SSX1: variants seen among roughly 807,000 people sequenced by gnomAD.
SSX1 encodes protein SSX1.
Under a neutral mutation model 14.6 loss-of-function variants are expected in SSX1, and 58 were observed. That is an observed-to-expected ratio of 3.96 (90% confidence interval 3.21 to 4.93). The LOEUF is 4.93. Among genes scored for constraint, SSX1 ranks in the 30% most tolerant of loss-of-function variants. SSX1 has a pLI of 0.00. For missense variants in SSX1, 272 were observed against 143.1 expected (o/e 1.90, Z -4.60); for synonymous variants, 46 against 52.1 (o/e 0.88, Z 0.50).
intron 5 of SSX1, among the ~76,000 whole-genome samples, chrX:48,262,273 A>G (rs1266250558): frequency 4.6e-4 from 52 of 112,452 alleles, no homozygotes; most frequent in Non-Finnish European, 9.0e-4. Flanking sequence ...AAATGAGGCT[A>G]TCGGGGTACA....
Position 48,258,677 on chromosome X carries a change from G to A in SSX1, c.280+46G>A, listed in dbSNP as rs2146610233. Reference sequence around the variant, plus strand: ...TGGAAAGGTCTCCTGAAGCCCAATTGCTTTTCAGCTCAGCTACCTGGGAAA... The same window carrying A: ...TGGAAAGGTCTCCTGAAGCCCAATTACTTTTCAGCTCAGCTACCTGGGAAA... On this transcript the variant is annotated intron_variant, in intron 4 of 7. Coordinates refer to ENST00000376919, the MANE Select transcript of SSX1 (RefSeq NM_005635.4). 4.0e-6 allele frequency: 4 copies of A among 1,001,245 alleles called. No individual in the cohort carries two copies. In the South Asian group the frequency reaches 5.9e-5, roughly 15 times the overall value. 82.5% of individuals were successfully genotyped at this position (1,001,245 alleles called of 1,213,427 possible).
In SSX1 at chrX:48,260,110, C is replaced by T. The variant is rs1374065443; in HGVS notation, c.280+1479C>T. Among the ~76,000 whole-genome samples the T allele has an allele frequency of 1.1e-3, 105 of 97,058 alleles. 2 individuals are homozygous for T. The South Asian group carries it at 0.053, about 49-fold the overall frequency. The allele number at this position is 97,058 out of a possible 115,157, so 84.3% of individuals were successfully genotyped here. ...CTATTTCTCCACATCCTCTCCAGCA[C>T]CTGTTGTTTCCTGACTTTTTAATGA... On this transcript the variant is annotated intron_variant, in intron 4 of 7. Transcript: ENST00000376919.
intron 6 of SSX1, among the ~76,000 whole-genome samples, chrX:48,265,530 A>G (rs1226681348): frequency 7.3e-5 from 8 of 110,040 alleles, no homozygotes; most frequent in African/African-American, 2.0e-4. Context: ...ACATTGATCA[A>G]TTACGTTCGT....
chrX:48,258,551 T>A lies in SSX1; in HGVS notation c.200T>A (p.Leu67His), dbSNP rs2059592280. The change falls in exon 4 of 8, where the codon CTC becomes CAC. Residue 67 changes from leucine (L) to histidine (H), a missense_variant. Transcript: ENST00000376919. ...AMTKLGFKVT[L>H]PPFMCNKQAT... is the part of the protein sequence containing the mutation. ...TTCTTTCTAGGTTTCAAAGTCACCC[T>A]CCCACCTTTCATGTGTAATAAACAG... 8.3e-7 allele frequency: 1 copy of A among 1,205,246 alleles called. No homozygotes were observed. Among genetic ancestry groups the A allele is most frequent in the African/African-American group, 1.8e-5 (1 of 56,577 alleles).
Position 48,261,825 on chromosome X carries a change from T to C in SSX1, c.330+10T>C. The C allele has an allele frequency of 1.7e-6, 2 of 1,209,458 alleles. No homozygotes were observed. Among genetic ancestry groups the C allele is most frequent in the South Asian group, 3.5e-5 (2 of 56,809 alleles). On this transcript the variant is annotated intron_variant, in intron 5 of 7. Transcript: ENST00000376919. ...CAGAATCATCCCGAAGGTGAGTATC[T>C]CTCAAATCTAAAGGACCAGAGAACC...
chrX:48,261,813 A>G lies in SSX1; in HGVS notation c.328A>G (p.Lys110Glu). The change falls in exon 5 of 8, where the codon AAG becomes GAG. Residue 110 changes from lysine to glutamate, a missense_variant and splice_region_variant. Lys to Glu is a moderately conservative substitution (Grantham distance 56). Coordinates refer to ENST00000376919, the MANE Select transcript of SSX1 (RefSeq NM_005635.4). Reference sequence around the variant, plus strand: ...CGGCAGGCTCCACAGAATCATCCCGAAGGTGAGTATCTCTCAAATCTAAAG... The same window carrying G: ...CGGCAGGCTCCACAGAATCATCCCGGAGGTGAGTATCTCTCAAATCTAAAG... The part of the protein sequence containing the change: ...TFGRLHRIIP[K>E]IMPKKPAEDE... The G allele has an allele frequency of 8.3e-7, 1 of 1,210,574 alleles. No individual in the cohort carries two copies. The highest frequency in any genetic ancestry group is 1.1e-6 in the Non-Finnish European group (1 of 894,583).
intron 5 of SSX1, among the ~76,000 whole-genome samples, chrX:48,263,023 A>G (rs1427019843): frequency 9.1e-6 from 1 of 110,137 alleles, no homozygotes; most frequent in African/African-American, 3.3e-5. Flanking sequence ...AATCCTAGCT[A>G]CTCAGGAGGC....
At chrX:48,259,100 G>A (rs1251697102) in intron 4 of SSX1, among the ~76,000 whole-genome samples, 3 of 111,450 alleles carry the variant, frequency 2.7e-5, no homozygotes, top group East Asian at 2.8e-4. Flanking sequence ...GGGTTCAAAC[G>A]ATTCTCCTGC....
chrX:48,262,994 C>T (rs1556935758), intron 5 of SSX1, among the ~76,000 whole-genome samples: 1 of 110,342 alleles, frequency 9.1e-6, no homozygotes. Flanking sequence ...CTTAGCAGGG[C>T]GTGGTAGCGC....
rs190259304 is a variant in SSX1 at position 48,267,340 on chromosome X, G to A, written c.*491G>A. On this transcript the variant is annotated 3_prime_UTR_variant, in exon 8 of 8. Transcript: ENST00000376919. The stretch of plus-strand genomic sequence containing the variant: ...CCATCTGCTTTTCCCATTGCCATGC[G>A]TCCTGGTCAAGCCCCCCTCACTCTG... The A allele has an allele frequency of 2.4e-4, 45 of 190,034 alleles. No individual in the cohort carries two copies. Among genetic ancestry groups the A allele is most frequent in the African/African-American group, 1.2e-3 (37 of 31,279 alleles). The allele number at this position is 190,034 out of a possible 1,213,427, so 15.7% of individuals were successfully genotyped here.
At chrX:48,256,811 G>A (rs782162025) in intron 1 of SSX1, among the ~76,000 whole-genome samples, 8 of 109,809 alleles carry the variant, frequency 7.3e-5, no homozygotes, top group Non-Finnish European at 1.1e-4. Flanking sequence ...GAAAGACCAC[G>A]TTATGTCTGG....
intron 1 of SSX1, among the ~76,000 whole-genome samples, chrX:48,255,640 T>G (rs1213239631): frequency 2.8e-5 from 3 of 107,145 alleles, no homozygotes; most frequent in African/African-American, 1.0e-4. Context: ...TGTTTTTTTT[T>G]TTTTTTTTTT....
chrX:48,265,187 A>G (rs192462553), intron 6 of SSX1, among the ~76,000 whole-genome samples: 48 of 112,061 alleles, frequency 4.3e-4, no homozygotes, highest in African/African-American at 1.5e-3. Flanking sequence ...TAGTATTATT[A>G]TTTCCTTCAA....
intron 6 of SSX1, among the ~76,000 whole-genome samples, chrX:48,264,474 T>C (rs1379422209): frequency 3.6e-5 from 4 of 112,551 alleles, no homozygotes; most frequent in African/African-American, 1.3e-4. Context: ...AAAATGTACA[T>C]ACCTTAATTT....
intron 1 of SSX1, 108 bp from the exon 2 acceptor site, chrX:48,257,114 T>C (rs1556934475): frequency 1.4e-6 from 1 of 724,636 alleles, no homozygotes; most frequent in Non-Finnish European, 2.1e-6. Context: ...AATGGAGAAA[T>C]GCAACCCCTA....
chrX:48,266,935 C>G lies in SSX1; in HGVS notation c.*86C>G. The G allele has an allele frequency of 9.9e-7, 1 of 1,012,286 alleles. No homozygotes were observed. The highest frequency in any genetic ancestry group is 1.4e-6 in the Non-Finnish European group (1 of 728,927). The allele number at this position is 1,012,286 out of a possible 1,213,427, so 83.4% of individuals were successfully genotyped here. A position where few individuals can be genotyped will look rare whatever the true frequency, so the allele number is the denominator to read the frequency against. The stretch of plus-strand genomic sequence containing the variant: ...AACATGGGCATGGCTGCGGCTCCCT[C>G]GTCATCAGGTGCATAGCAAGTGAAA... On this transcript the variant is annotated 3_prime_UTR_variant, in exon 8 of 8. Coordinates refer to ENST00000376919, the MANE Select transcript of SSX1 (RefSeq NM_005635.4).
At position 48,266,162 on chromosome X, in the gene SSX1, A is replaced by G. The variant is rs111993872; in HGVS notation, c.467-125A>G. 7.2e-5 allele frequency: 79 copies of G among 1,101,819 alleles called. No individual in the cohort carries two copies. In the African/African-American group the frequency reaches 1.4e-3, roughly 20 times the overall value. 90.8% of individuals were successfully genotyped at this position (1,101,819 alleles called of 1,213,427 possible). A position where few individuals can be genotyped will look rare whatever the true frequency, so the allele number is the denominator to read the frequency against. ...CAGCCTCTCTAAGCCAGAGAATGTG[A>G]AAAACTGGATAAAGAAGGCCCATGG... is the stretch of plus-strand genomic sequence containing the variant. On this transcript the variant is annotated intron_variant, in intron 6 of 7. Coordinates refer to ENST00000376919, the MANE Select transcript of SSX1 (RefSeq NM_005635.4).
At chrX:48,261,615 C>T (rs782452448) in intron 4 of SSX1, 151 bp from the exon 5 acceptor site, 2 of 633,817 alleles carry the variant, frequency 3.2e-6, no homozygotes, top group Admixed American at 6.0e-5. Flanking sequence ...CCAACCATGA[C>T]TAAACATAAT....
rs782518144 is a variant in SSX1, at chrX:48,266,284, T to C, written c.467-3T>C. The stretch of plus-strand genomic sequence containing the variant: ...CTCATCTTCCAACTCTTCTCCATCA[T>C]AGGACCCAAAAGGGGGAAACATGCC... On this transcript the variant is annotated splice_region_variant and splice_polypyrimidine_tract_variant and intron_variant, in intron 6 of 7. Coordinates refer to ENST00000376919, the MANE Select transcript of SSX1 (RefSeq NM_005635.4). 9.9e-6 allele frequency: 12 copies of C among 1,207,705 alleles called. No individual in the cohort carries two copies. Among genetic ancestry groups the C allele is most frequent in the African/African-American group, 1.8e-5 (1 of 56,908 alleles).
Sources: allele counts gnomAD v4.1 joint callset (sites outside exome capture counted in the v4.1 genomes callset), GRCh38; gene constraint gnomAD v4.1.1; transcripts MANE v1.5; gene names NCBI Gene and HGNC (gene_info 2026-07-23, HGNC 2026-07-21).